The following GRB14 variants were observed in gnomAD, a reference collection of about 807,000 sequenced individuals.
GRB14 encodes the protein growth factor receptor bound protein 14.
In GRB14, 38 loss-of-function variants were observed where a neutral mutation model predicts 69.1. The ratio of observed to expected loss-of-function variants is 0.55; its 90% confidence interval spans 0.42 to 0.72. The LOEUF (loss-of-function observed/expected upper bound fraction) is 0.72, where lower values mean the gene tolerates loss of function less well. GRB14 is among the 30% of genes least tolerant of loss of function. The pLI, the probability that GRB14 is intolerant of heterozygous loss-of-function variation, is 0.00. For missense variants in GRB14, 666 were observed against 666.1 expected, an observed-to-expected ratio of 1.00 and a Z score of 0.00; for synonymous variants, 247 against 241.3, an observed-to-expected ratio of 1.02 and a Z score of -0.22.
chr2:164,555,594 T>C (rs1430990037), intron 2 of GRB14, among the ~76,000 whole-genome samples: 1 of 151,398 alleles, frequency 6.6e-6, no homozygotes, highest in Non-Finnish European at 1.5e-5. Context: ...TAAATTACTA[T>C]TAATTAATTA....
chr2:164,510,304 ACTG>A (rs1210783173), intron 6 of GRB14, among the ~76,000 whole-genome samples: 4 of 152,174 alleles, frequency 2.6e-5, no homozygotes, highest in Non-Finnish European at 1.5e-5. Context: ...TTGTTCCACC[ACTG>A]CTAAGGCTTA....
At chr2:164,611,057 T>C (rs954810737) in intron 2 of GRB14, among the ~76,000 whole-genome samples, 3 of 151,980 alleles carry the variant, frequency 2.0e-5, no homozygotes, top group East Asian at 3.9e-4. Flanking sequence ...AAAAAAAAGT[T>C]TGCTAAGTTC....
At chr2:164,520,870 G>GTGTGGA (rs1260877335) in intron 6 of GRB14, among the ~76,000 whole-genome samples, 2 of 152,114 alleles carry the variant, frequency 1.3e-5, no homozygotes, top group African/African-American at 2.4e-5. Context: ...GTAGATGTTG[G>GTGTGGA]TGTGGATGTG....
At position 164,568,469 on chromosome 2, in the gene GRB14, G is replaced by A. The variant is rs1211607619; in HGVS notation, c.325-20653C>T. The A allele has an allele frequency of 1.2e-5, 14 of 1,174,338 alleles. No individual in the cohort carries two copies. The Admixed American group carries it at 5.0e-4, about 42-fold the overall frequency. The allele number at this position is 1,174,338 out of a possible 1,614,324, so 72.7% of individuals were successfully genotyped here. ...TACTCCTTGGGAATCTCAGGGCTCA[G>A]TGCAATGAAACAACTAGGAAAGTAA... is the stretch of plus-strand genomic sequence containing the variant. On this transcript the variant is annotated intron_variant, in intron 2 of 13. Transcript: ENST00000263915.
In GRB14 at chr2:164,583,916, C is replaced by A. The variant is rs571589043; in HGVS notation, c.324+35771G>T. Among the ~76,000 whole-genome samples the A allele has an allele frequency of 2.6e-5, 4 of 151,748 alleles. No homozygotes were observed. The East Asian group carries it at 5.8e-4, about 22-fold the overall frequency. ...AAATACTTATTTTGTCTTCTTGACA[C>A]AATTAGGTGACCTCATATGCACTTA... On this transcript the variant is annotated intron_variant, in intron 2 of 13. Transcript: ENST00000263915.
At chr2:164,605,338 A>G (rs1248063917) in intron 2 of GRB14, among the ~76,000 whole-genome samples, 2 of 152,128 alleles carry the variant, frequency 1.3e-5, no homozygotes, top group Non-Finnish European at 2.9e-5. Context: ...AAAACATGAG[A>G]GAAGAAGCAA....
intron 2 of GRB14, among the ~76,000 whole-genome samples, chr2:164,585,949 G>A (rs1391827331): frequency 2.0e-5 from 3 of 152,200 alleles, no homozygotes; most frequent in Non-Finnish European, 4.4e-5. Flanking sequence ...TATAAGTGAA[G>A]TACTGTTAGA....
At chr2:164,509,792 G>GGA (rs764786040) in intron 6 of GRB14, among the ~76,000 whole-genome samples, 6 of 86,250 alleles carry the variant, frequency 7.0e-5, no homozygotes, top group Non-Finnish European at 1.3e-4. Context: ...AGAAGCAGTG[G>GGA]AAAAAAAAAA....
intron 2 of GRB14, among the ~76,000 whole-genome samples, chr2:164,588,223 T>C (rs550970617): frequency 6.6e-6 from 1 of 152,278 alleles, no homozygotes; most frequent in East Asian, 1.9e-4. Context: ...CATTTGATGG[T>C]TTCATAAAGA....
chr2:164,538,574 G>C (rs909376582), intron 3 of GRB14, among the ~76,000 whole-genome samples: 2 of 152,142 alleles, frequency 1.3e-5, no homozygotes, highest in African/African-American at 4.8e-5. Context: ...TGTACAAGTA[G>C]AACCATATAA....
Position 164,621,182 on chromosome 2 carries a change from G to C in GRB14, c.128C>G (p.Pro43Arg). ...RGDAHDLAPA[P>R]WLHARALLPL... The stretch of plus-strand genomic sequence containing the variant: ...CAGGAGCGCTCGCGCGTGCAGCCAG[G>C]GGGCCGGCGCCAGGTCGTGGGCGTC... The change falls in exon 1 of 14, where the codon CCC becomes CGC. Residue 43 changes from proline to arginine, a missense_variant. Physicochemically the swap from Pro to Arg is moderately radical, Grantham distance 103 (BLOSUM62 -2). Coordinates refer to ENST00000263915, the MANE Select transcript of GRB14 (RefSeq NM_004490.3). This position sits in a 1 kb window ranked among gnomAD's most constrained non-coding sequence, Gnocchi z 6.0. 1 of 1,243,596 alleles carries C rather than the reference G, an allele frequency of 8.0e-7. No individual in the cohort carries two copies. 77.0% of individuals were successfully genotyped at this position (1,243,596 alleles called of 1,614,324 possible).
At chr2:164,538,002 A>T (rs1049329391) in intron 3 of GRB14, among the ~76,000 whole-genome samples, 11 of 129,958 alleles carry the variant, frequency 8.5e-5, no homozygotes, top group Non-Finnish European at 1.2e-4. Flanking sequence ...TTCCTTTGTT[A>T]AAAAAAAAAA....
At chr2:164,552,050 G>A (rs1688553801) in intron 2 of GRB14, among the ~76,000 whole-genome samples, 1 of 152,148 alleles carries the variant, frequency 6.6e-6, no homozygotes, top group Admixed American at 6.5e-5. Flanking sequence ...GGCGGTGTAA[G>A]ATGCTTTTTA....
At chr2:164,497,175 C>A in intron 11 of GRB14, 36 bp downstream of exon 11, 1 of 1,598,738 alleles carries the variant, frequency 6.3e-7, no homozygotes, top group Non-Finnish European at 8.6e-7. Context: ...CATGTCTATC[C>A]GTCTACTCAG....
chr2:164,528,703 C>T (rs1283977274), intron 3 of GRB14, among the ~76,000 whole-genome samples: 1 of 152,002 alleles, frequency 6.6e-6, no homozygotes, highest in South Asian at 2.1e-4. Context: ...TTTCTTTCTC[C>T]CCCTATAAAT....
chr2:164,585,431 A>G (rs1689516592), intron 2 of GRB14, among the ~76,000 whole-genome samples: 1 of 152,116 alleles, frequency 6.6e-6, no homozygotes, highest in Non-Finnish European at 1.5e-5. Context: ...TTTTCTTTAT[A>G]TAAACTTCTG....
chr2:164,569,623 C>T (rs1194904633), intron 2 of GRB14, among the ~76,000 whole-genome samples: 1 of 152,188 alleles, frequency 6.6e-6, no homozygotes, highest in Non-Finnish European at 1.5e-5. Context: ...GCAGTGTTCA[C>T]TTTACTGCTT....
chr2:164,606,521 T>C (rs1184627306), intron 2 of GRB14, among the ~76,000 whole-genome samples: 5 of 152,308 alleles, frequency 3.3e-5, no homozygotes, highest in African/African-American at 1.2e-4. Context: ...CCCAATACCT[T>C]TAAATATTTA....
rs1690462369 is a variant in GRB14, at chr2:164,621,443, C to T, written c.-134G>A. The stretch of plus-strand genomic sequence containing the variant: ...GTGTGGTGGCCTCGCCGCCTGCGCT[C>T]GGGGCCCCGGCGGCTGAGACGCGCG... On this transcript the variant is annotated 5_prime_UTR_variant, in exon 1 of 14. Transcript: ENST00000263915. This position sits in a 1 kb window ranked among gnomAD's most constrained non-coding sequence, Gnocchi z 6.0. 10 of 446,570 alleles carry T rather than the reference C, an allele frequency of 2.2e-5. No individual in the cohort carries two copies. In the East Asian group the frequency reaches 6.2e-4, roughly 28 times the overall value. 27.7% of individuals were successfully genotyped at this position (446,570 alleles called of 1,614,324 possible).
Sources: allele counts gnomAD v4.1 joint callset (sites outside exome capture counted in the v4.1 genomes callset), GRCh38; gene constraint gnomAD v4.1.1; non-coding constraint Gnocchi (gnomAD v3.1); transcripts MANE v1.5; gene names NCBI Gene and HGNC (gene_info 2026-07-23, HGNC 2026-07-21).